The following PID1 variants were observed in gnomAD, a reference collection of about 807,000 sequenced individuals.
The protein encoded by PID1 is phosphotyrosine interaction domain containing 1, also known as PTB-containing, cubilin and LRP1-interacting protein.
A neutral mutation model predicts 19.1 loss-of-function variants in PID1; 10 were observed. The ratio of observed to expected loss-of-function variants is 0.52; its 90% CI spans 0.32 to 0.89. The LOEUF is 0.89. PID1 is among the 40% of genes least tolerant of loss of function. The probability of loss-of-function intolerance (pLI) is 0.03; values close to 1 mark genes in which losing one functional copy is unlikely to be tolerated. For synonymous variants in PID1, 130 were observed against 116.0 expected (o/e 1.12, Z -0.78); for missense variants, 248 against 285.3 (o/e 0.87, Z 0.94).
rs748795149 is a variant in PID1 at position 229,025,662 on chromosome 2, A to C, written c.624T>G (p.Val208=). The change falls in exon 3 of 3, where the codon GTT becomes GTG. Residue 208 remains valine (V), a synonymous_variant. Coordinates refer to ENST00000392055, the MANE Select transcript of PID1 (RefSeq NM_001100818.2). Reference sequence around the variant, plus strand: ...CATCATCGGATTCCAATTCCTGGGAAACCTCTTCGGAGGAGCTGTTGCTGT... The same window carrying C: ...CATCATCGGATTCCAATTCCTGGGACACCTCTTCGGAGGAGCTGTTGCTGT... The part of the protein sequence containing the change: ...RIHSNSSSEE[V]SQELESDDG 6.2e-7 allele frequency: 1 copy of C among 1,611,844 alleles called. No homozygotes were observed. The highest frequency in any genetic ancestry group is 1.3e-5 in the African/African-American group (1 of 75,004).
intron 1 of PID1, among the ~76,000 whole-genome samples, chr2:229,266,104 T>A (rs1222369344): frequency 6.6e-6 from 1 of 152,204 alleles, no homozygotes; most frequent in African/African-American, 2.4e-5. Flanking sequence ...GTTTTCTTTA[T>A]GAACAATAGG....
chr2:229,081,364 A>G (rs1694665969), intron 2 of PID1, among the ~76,000 whole-genome samples: 1 of 152,240 alleles, frequency 6.6e-6, no homozygotes. Context: ...TGATAATGCA[A>G]CATAAAATGT....
chr2:229,243,957 T>C (rs17321901), intron 1 of PID1, among the ~76,000 whole-genome samples: 21,452 of 152,160 alleles, frequency 0.14, 1,706 homozygotes, highest in South Asian at 0.19. Context: ...TCTTGGTTTT[T>C]GTCAAGCAAA....
intron 1 of PID1, among the ~76,000 whole-genome samples, chr2:229,268,790 C>T (rs543895207): frequency 5.0e-4 from 76 of 151,852 alleles, no homozygotes; most frequent in African/African-American, 1.6e-3. Context: ...ACTGAGGAAT[C>T]GGACAGGCAT....
At chr2:229,072,621 G>A (rs1372660972) in intron 2 of PID1, among the ~76,000 whole-genome samples, 1 of 151,804 alleles carries the variant, frequency 6.6e-6, no homozygotes, top group Non-Finnish European at 1.5e-5. Flanking sequence ...TAAATAGTTT[G>A]TCCAAATCTA....
chr2:229,230,612 T>C (rs1692185524), intron 1 of PID1, among the ~76,000 whole-genome samples: 1 of 152,206 alleles, frequency 6.6e-6, no homozygotes, highest in South Asian at 2.1e-4. Context: ...CCTAATGGGA[T>C]TTAAATCAAA....
intron 2 of PID1, among the ~76,000 whole-genome samples, chr2:229,136,559 T>A (rs1322401607): frequency 6.6e-6 from 1 of 152,230 alleles, no homozygotes; most frequent in Non-Finnish European, 1.5e-5. Flanking sequence ...AGCCATACAT[T>A]AATGCCTCTA....
At chr2:229,085,170 A>G (rs886122703) in intron 2 of PID1, among the ~76,000 whole-genome samples, 12 of 151,972 alleles carry the variant, frequency 7.9e-5, no homozygotes, top group African/African-American at 2.7e-4. Context: ...TAGCTTAACA[A>G]TGATAAACCC....
In PID1 at chr2:229,244,536, A is replaced by G. The variant is rs558952599; in HGVS notation, c.30+26478T>C. 2.0e-5 allele frequency among the ~76,000 whole-genome samples: 3 copies of G among 152,298 alleles called. No homozygotes were observed. The East Asian group carries it at 5.8e-4, about 29-fold the overall frequency. Reference sequence around the variant, plus strand: ...GCAAATGAGACAGAAAGAGAGATTCAATCCTTTAAAATCCTTTAATTTTTC... The same window carrying G: ...GCAAATGAGACAGAAAGAGAGATTCGATCCTTTAAAATCCTTTAATTTTTC... On this transcript the variant is annotated intron_variant, in intron 1 of 2. Transcript: ENST00000392055.
At position 229,134,231 on chromosome 2, in the gene PID1, G is replaced by GTTT. The variant is rs60513006; in HGVS notation, c.177+21584_177+21586dup. 3.0e-3 allele frequency among the ~76,000 whole-genome samples: 329 copies of GTTT among 109,154 alleles called. 6 individuals are homozygous for GTTT. Among genetic ancestry groups the GTTT allele is most frequent in the Non-Finnish European group, 4.0e-3 (217 of 54,578 alleles). 71.6% of individuals were successfully genotyped at this position (109,154 alleles called of 152,430 possible). A position where few individuals can be genotyped will look rare whatever the true frequency, so the allele number is the denominator to read the frequency against. On this transcript the variant is annotated intron_variant, in intron 2 of 2. Transcript: ENST00000392055. ...TTCAATAACAATGTTTACTACCTGT[G>GTTT]TTTTTTTTTTTTTTTTTTTTTGAGA...
intron 1 of PID1, among the ~76,000 whole-genome samples, chr2:229,223,287 T>C (rs1406153280): frequency 6.6e-6 from 1 of 152,346 alleles, no homozygotes; most frequent in East Asian, 1.9e-4. Context: ...TATCTCATCA[T>C]TATTTTAATC....
intron 2 of PID1, among the ~76,000 whole-genome samples, chr2:229,045,084 G>C (rs1574580875): frequency 6.6e-6 from 1 of 152,070 alleles, no homozygotes; most frequent in Non-Finnish European, 1.5e-5. Context: ...CTCCCAAGTA[G>C]CTGGGATTAC....
At chr2:229,091,295 T>C (rs1238733574) in intron 2 of PID1, among the ~76,000 whole-genome samples, 1 of 151,592 alleles carries the variant, frequency 6.6e-6, no homozygotes, top group Non-Finnish European at 1.5e-5. Context: ...GCAATGGGTT[T>C]AGACAGACAC....
intron 2 of PID1, among the ~76,000 whole-genome samples, chr2:229,110,618 A>G (rs1695278279): frequency 6.6e-6 from 1 of 152,154 alleles, no homozygotes; most frequent in Non-Finnish European, 1.5e-5. Context: ...CATTAACTGT[A>G]TGGGTGAAAG....
chr2:229,112,967 C>T (rs1695328927), intron 2 of PID1, among the ~76,000 whole-genome samples: 1 of 152,138 alleles, frequency 6.6e-6, no homozygotes, highest in Non-Finnish European at 1.5e-5. Context: ...GAGTCTCATA[C>T]CAAGGCCCTA....
chr2:229,098,006 C>G (rs1695003832), intron 2 of PID1, among the ~76,000 whole-genome samples: 1 of 152,164 alleles, frequency 6.6e-6, no homozygotes, highest in Admixed American at 6.6e-5. Context: ...TTAACACAGG[C>G]ATGAGCTTTA....
chr2:229,068,224 T>C (rs546100092), intron 2 of PID1, among the ~76,000 whole-genome samples: 1 of 152,156 alleles, frequency 6.6e-6, no homozygotes, highest in Non-Finnish European at 1.5e-5. Context: ...TTGAGGGGAG[T>C]TCTGGGGAGG....
At chr2:229,204,206 G>C (rs1302060493) in intron 1 of PID1, among the ~76,000 whole-genome samples, 2 of 152,054 alleles carry the variant, frequency 1.3e-5, no homozygotes, top group Non-Finnish European at 2.9e-5. Flanking sequence ...TAGAGCTGCT[G>C]ATCAGGGGAG....
intron 2 of PID1, among the ~76,000 whole-genome samples, chr2:229,054,386 C>T (rs60550348): frequency 0.22 from 33,494 of 151,860 alleles, 6,546 homozygotes; most frequent in African/African-American, 0.52. Context: ...ACAATGGAAG[C>T]GATTACCAAA....
Sources: gnomAD v4.1 joint callset for allele counts (sites outside exome capture counted in the v4.1 genomes callset) on GRCh38, gnomAD v4.1.1 for gene constraint, MANE v1.5 for transcripts, NCBI Gene and HGNC (gene_info 2026-07-23, HGNC 2026-07-21) for gene names.